The following TBX18 variants were observed in gnomAD, a reference collection of about 807,000 sequenced individuals.
TBX18 encodes T-box transcription factor 18.
In TBX18, 21 loss-of-function variants were observed where a neutral mutation model predicts 55.0. The observed-to-expected ratio is 0.38, with a 90% CI of 0.27 to 0.55. TBX18 has a LOEUF of 0.55. TBX18 is among the 20% of genes least tolerant of loss of function. The probability of loss-of-function intolerance (pLI) is 0.73; values close to 1 mark genes in which losing one functional copy is unlikely to be tolerated. For missense variants in TBX18, 840 were observed against 799.6 expected (o/e 1.05, Z -0.61); for synonymous variants, 342 against 326.1 (o/e 1.05, Z -0.53).
chr6:84,737,358 G>T lies in TBX18; in HGVS notation c.1151C>A (p.Ala384Asp). The stretch of plus-strand genomic sequence containing the variant: ...GCCAGACAAAAGGTGAGGGTGAGTG[G>T]CAGGAACGCCATTCCCAGTACCTTG... ...LLQGTGNGVP[A>D]THPHLLSGSS... The change falls in exon 8 of 8, where the codon GCC becomes GAC. Residue 384 changes from alanine to aspartate, a missense_variant. Ala to Asp is a moderately radical substitution (Grantham distance 126). Transcript: ENST00000369663. The T allele has an allele frequency of 6.4e-7, 1 of 1,555,532 alleles. No individual in the cohort carries two copies. The highest frequency in any genetic ancestry group is 8.7e-7 in the Non-Finnish European group (1 of 1,153,944).
rs140665319 is a variant in TBX18 at position 84,755,425 on chromosome 6, T to G, written c.771+1273A>C. Among the ~76,000 whole-genome samples, 478 of 152,296 alleles carry G rather than the reference T, an allele frequency of 3.1e-3. 3 individuals are homozygous for G. Among genetic ancestry groups the G allele is most frequent in the Middle Eastern group, 0.01 (3 of 294 alleles). On this transcript the variant is annotated intron_variant, in intron 4 of 7. Transcript: ENST00000369663. ...TCTATTCCAAAAAAAAGTCCTTCAA[T>G]GAATGTGCTGAGTATATTTCACAGA...
chr6:84,763,244 G>T, intron 1 of TBX18: 1 of 376,292 alleles, frequency 2.7e-6, no homozygotes, highest in South Asian at 2.0e-5. Context: ...CTCGCTTTGG[G>T]CCTTCTTTTG....
rs1773887714 is a variant in TBX18 at position 84,734,510 on chromosome 6, T to A, written c.*2175A>T. The A allele has an allele frequency of 6.6e-6, 1 of 152,624 alleles. No homozygotes were observed. The highest frequency in any genetic ancestry group is 2.4e-5 in the African/African-American group (1 of 41,452). The allele number at this position is 152,624 out of a possible 1,614,324, so 9.5% of individuals were successfully genotyped here. On this transcript the variant is annotated 3_prime_UTR_variant, in exon 8 of 8. Coordinates refer to ENST00000369663, the MANE Select transcript of TBX18 (RefSeq NM_001080508.3). The stretch of plus-strand genomic sequence containing the variant: ...TAAAATACAGATATATAATTATCAA[T>A]GTATGCATGTCATTTAATTCAGCAA...
rs539566538 is a variant in TBX18, at chr6:84,736,009, T to A, written c.*676A>T. 1 of 151,820 alleles carries A rather than the reference T, an allele frequency of 6.6e-6. No individual in the cohort carries two copies. The highest frequency in any genetic ancestry group is 6.6e-5 in the Admixed American group (1 of 15,242). The allele number at this position is 151,820 out of a possible 1,614,324, so 9.4% of individuals were successfully genotyped here. A position where few individuals can be genotyped will look rare whatever the true frequency, so the allele number is the denominator to read the frequency against. Reference sequence around the variant, plus strand: ...GAATAAGAACCTCTTATGTGCCCAATGGAAAGTGTAAAAAAAAAAATCACA... The same window carrying A: ...GAATAAGAACCTCTTATGTGCCCAAAGGAAAGTGTAAAAAAAAAAATCACA... On this transcript the variant is annotated 3_prime_UTR_variant, in exon 8 of 8. Transcript: ENST00000369663.
chr6:84,755,067 A>G (rs565130534), intron 4 of TBX18, among the ~76,000 whole-genome samples: 1 of 151,812 alleles, frequency 6.6e-6, no homozygotes, highest in Non-Finnish European at 1.5e-5. Context: ...ACACGCACAC[A>G]CCCTATTTTC....
At chr6:84,762,805 C>T in intron 1 of TBX18, 57 bp from the exon 2 acceptor site, 1 of 1,522,796 alleles carries the variant, frequency 6.6e-7, no homozygotes, top group Non-Finnish European at 8.9e-7. Context: ...GGGAAGCCAG[C>T]CGCGGAGACG....
rs1011439995 is a variant in TBX18, at chr6:84,733,340, T to C, written c.*3345A>G. On this transcript the variant is annotated 3_prime_UTR_variant, in exon 8 of 8. Coordinates refer to ENST00000369663, the MANE Select transcript of TBX18 (RefSeq NM_001080508.3). Reference sequence around the variant, plus strand: ...ATTTCTTTTTAGAAAGGATGAACAATGAGATTAAAACACAACATGGTAATA... The same window carrying C: ...ATTTCTTTTTAGAAAGGATGAACAACGAGATTAAAACACAACATGGTAATA... 6 of 152,156 alleles carry C rather than the reference T, an allele frequency of 3.9e-5. No homozygotes were observed. In the East Asian group the frequency reaches 9.6e-4, roughly 24 times the overall value. 9.4% of individuals were successfully genotyped at this position (152,156 alleles called of 1,614,324 possible). A position where few individuals can be genotyped will look rare whatever the true frequency, so the allele number is the denominator to read the frequency against.
At chr6:84,752,311 TG>T (rs1451201154) in intron 4 of TBX18, among the ~76,000 whole-genome samples, 1 of 152,190 alleles carries the variant, frequency 6.6e-6, no homozygotes, top group African/African-American at 2.4e-5. Flanking sequence ...CCCTGCTGAC[TG>T]GAAATTTTCC....
At chr6:84,742,397 T>C (rs754591595) in intron 6 of TBX18, 4 of 152,142 alleles carry the variant, frequency 2.6e-5, no homozygotes, top group Admixed American at 6.6e-5. Context: ...ATAGTCCTAG[T>C]ATTTTATATT....
Position 84,762,291 on chromosome 6 carries a change from G to A in TBX18, c.497+253C>T, listed in dbSNP as rs145234663. ...CAGAACATCAACCGCGACAGCTGTGGCATCAGCGGCGACAGTAATTTTCTC... is the reference window on the plus strand; with the variant it reads ...CAGAACATCAACCGCGACAGCTGTGACATCAGCGGCGACAGTAATTTTCTC... On this transcript the variant is annotated intron_variant, in intron 2 of 7. Transcript: ENST00000369663. Among the ~76,000 whole-genome samples the A allele has an allele frequency of 4.1e-3, 630 of 152,344 alleles. 4 individuals are homozygous for A. The highest frequency in any genetic ancestry group is 0.012 in the African/African-American group (503 of 41,580).
At chr6:84,755,644 C>A (rs1052808933) in intron 4 of TBX18, among the ~76,000 whole-genome samples, 2 of 152,118 alleles carry the variant, frequency 1.3e-5, no homozygotes, top group African/African-American at 4.8e-5. Flanking sequence ...TTTTTATTTC[C>A]ATTTTAAGTC....
chr6:84,756,881 T>C lies in TBX18; in HGVS notation c.600-12A>G. On this transcript the variant is annotated splice_polypyrimidine_tract_variant and intron_variant, in intron 3 of 7. Coordinates refer to ENST00000369663, the MANE Select transcript of TBX18 (RefSeq NM_001080508.3). ...TGTGGTAAACATACCTAGAAGGCAA[T>C]GACCAGGCGTTCAGTATACTGTTTT... 6.2e-7 allele frequency: 1 copy of C among 1,613,324 alleles called. No homozygotes were observed. The highest frequency in any genetic ancestry group is 8.5e-7 in the Non-Finnish European group (1 of 1,179,418).
At position 84,738,369 on chromosome 6, in the gene TBX18, A is replaced by C. The variant is rs1407272265; in HGVS notation, c.1099+128T>G. ...CCCATACCATGCAGAAGACAGATGG[A>C]ATCTGTAGGACAATGCTGGTGATGA... On this transcript the variant is annotated intron_variant, in intron 7 of 7. Transcript: ENST00000369663. 6 of 788,152 alleles carry C rather than the reference A, an allele frequency of 7.6e-6. No homozygotes were observed. The South Asian group carries it at 9.1e-5, about 12-fold the overall frequency. The allele number at this position is 788,152 out of a possible 1,614,324, so 48.8% of individuals were successfully genotyped here. A position where few individuals can be genotyped will look rare whatever the true frequency, so the allele number is the denominator to read the frequency against.
At position 84,734,719 on chromosome 6, in the gene TBX18, T is replaced by C. The variant is rs1486292777; in HGVS notation, c.*1966A>G. The C allele has an allele frequency of 2.0e-5, 3 of 152,574 alleles. No homozygotes were observed. The highest frequency in any genetic ancestry group is 2.9e-5 in the Non-Finnish European group (2 of 68,030). 9.5% of individuals were successfully genotyped at this position (152,574 alleles called of 1,614,324 possible). ...AAATGCTCTTATTAATACATATGGGTATAGAGCATTACTTTCCATGTTTTT... is the reference window on the plus strand; with the variant it reads ...AAATGCTCTTATTAATACATATGGGCATAGAGCATTACTTTCCATGTTTTT... On this transcript the variant is annotated 3_prime_UTR_variant, in exon 8 of 8. Coordinates refer to ENST00000369663, the MANE Select transcript of TBX18 (RefSeq NM_001080508.3).
intron 4 of TBX18, among the ~76,000 whole-genome samples, chr6:84,750,508 T>C (rs529965706): frequency 6.6e-6 from 1 of 152,248 alleles, no homozygotes; most frequent in African/African-American, 2.4e-5. Flanking sequence ...GGGTTCTGTG[T>C]GACATTACAT....
intron 5 of TBX18, among the ~76,000 whole-genome samples, chr6:84,745,137 T>C (rs1280456438): frequency 2.0e-5 from 3 of 152,208 alleles, no homozygotes; most frequent in African/African-American, 4.8e-5. Context: ...GTTTTAGTTT[T>C]AACAAGAATT....
intron 4 of TBX18, among the ~76,000 whole-genome samples, chr6:84,750,542 A>C (rs1767320227): frequency 6.6e-6 from 1 of 152,104 alleles, no homozygotes; most frequent in Non-Finnish European, 1.5e-5. Flanking sequence ...GTCTGAAAAA[A>C]CTGACATTAA....
Position 84,736,221 on chromosome 6 carries a change from ACT to A in TBX18, c.*462_*463del, listed in dbSNP as rs1314246939. 6.5e-6 allele frequency: 1 copy of A among 152,724 alleles called. No homozygotes were observed. Among genetic ancestry groups the A allele is most frequent in the African/African-American group, 2.4e-5 (1 of 41,456 alleles). The allele number at this position is 152,724 out of a possible 1,614,324, so 9.5% of individuals were successfully genotyped here. ...TGGCTTTTGTATTTTAGATTCTCAC[ACT>A]GTGTCCAAGAATAACAGAAATCACA... On this transcript the variant is annotated 3_prime_UTR_variant, in exon 8 of 8. Transcript: ENST00000369663.
intron 2 of TBX18, among the ~76,000 whole-genome samples, chr6:84,760,781 G>C (rs527311836): frequency 7.9e-5 from 12 of 152,044 alleles, no homozygotes; most frequent in African/African-American, 2.9e-4. Flanking sequence ...ATTTTTAAAG[G>C]GTTATAAAAA....
Sources: gnomAD v4.1 joint callset for allele counts (sites outside exome capture counted in the v4.1 genomes callset) on GRCh38, gnomAD v4.1.1 for gene constraint, MANE v1.5 for transcripts, NCBI Gene and HGNC (gene_info 2026-07-23, HGNC 2026-07-21) for gene names.